The following EPC2 variants were observed in gnomAD, a reference collection of about 807,000 sequenced individuals.
EPC2 encodes enhancer of polycomb 2.
A neutral mutation model predicts 92.1 loss-of-function variants in EPC2; 14 were observed. The observed-to-expected ratio is 0.15, with a 90% confidence interval of 0.10 to 0.24. The LOEUF is 0.24. EPC2 is among the 10% of genes least tolerant of loss of function. The pLI is 1.00. For synonymous variants in EPC2, 340 were observed against 334.7 expected (o/e 1.02, Z -0.17); for missense variants, 755 against 971.5 (o/e 0.78, Z 2.96).
rs1237854968 is a variant in EPC2, at chr2:148,672,135, A to G, written c.154-18079A>G. ...TACTGACTCAGTCTTCTTAATTATAAGAAGTACTTAAAAGTAAGTCTTATA... is the reference window on the plus strand; with the variant it reads ...TACTGACTCAGTCTTCTTAATTATAGGAAGTACTTAAAAGTAAGTCTTATA... On this transcript the variant is annotated intron_variant, in intron 1 of 13. Transcript: ENST00000258484. 2.6e-5 allele frequency among the ~76,000 whole-genome samples: 4 copies of G among 152,144 alleles called. No homozygotes were observed. The South Asian group carries it at 6.2e-4, about 24-fold the overall frequency.
At chr2:148,705,483 C>T (rs1681975439) in intron 2 of EPC2, among the ~76,000 whole-genome samples, 1 of 152,110 alleles carries the variant, frequency 6.6e-6, no homozygotes, top group Non-Finnish European at 1.5e-5. Context: ...AGTGGCTCTC[C>T]CAGCACGGTG....
At chr2:148,705,432 A>G (rs1327995053) in intron 2 of EPC2, among the ~76,000 whole-genome samples, 1 of 152,172 alleles carries the variant, frequency 6.6e-6, no homozygotes, top group Non-Finnish European at 1.5e-5. Context: ...GATGCAGAAG[A>G]TGGGTGATTT....
At chr2:148,681,839 T>C (rs1200318737) in intron 1 of EPC2, among the ~76,000 whole-genome samples, 1 of 152,156 alleles carries the variant, frequency 6.6e-6, no homozygotes, top group Admixed American at 6.5e-5. Flanking sequence ...TCATTTACAT[T>C]AGGTATTTCT....
intron 2 of EPC2, among the ~76,000 whole-genome samples, chr2:148,718,435 G>T (rs1030935424): frequency 6.6e-6 from 1 of 152,156 alleles, no homozygotes; most frequent in Admixed American, 6.6e-5. Context: ...AGGCCTGATG[G>T]TGATGAATTC....
intron 1 of EPC2, among the ~76,000 whole-genome samples, chr2:148,654,408 T>C (rs1289745314): frequency 6.6e-6 from 1 of 152,168 alleles, no homozygotes. Context: ...GTTTCACATT[T>C]TTTCTCATGC....
At chr2:148,653,745 T>C (rs1680733406) in intron 1 of EPC2, among the ~76,000 whole-genome samples, 1 of 151,454 alleles carries the variant, frequency 6.6e-6, no homozygotes, top group Non-Finnish European at 1.5e-5. Context: ...TCTCATGTCT[T>C]GGTTGGGGAG....
At chr2:148,701,958 T>C (rs1476209141) in intron 2 of EPC2, among the ~76,000 whole-genome samples, 1 of 152,184 alleles carries the variant, frequency 6.6e-6, no homozygotes. Flanking sequence ...TGTGTTTTTG[T>C]CCATTTTCTG....
intron 2 of EPC2, among the ~76,000 whole-genome samples, chr2:148,727,016 T>C (rs1682513247): frequency 6.6e-6 from 1 of 152,136 alleles, no homozygotes; most frequent in Non-Finnish European, 1.5e-5. Context: ...TTCAATGTCA[T>C]GAAGTCTTTC....
intron 2 of EPC2, among the ~76,000 whole-genome samples, chr2:148,697,700 A>G (rs1248178721): frequency 6.6e-6 from 1 of 152,232 alleles, no homozygotes; most frequent in Non-Finnish European, 1.5e-5. Context: ...AAGTGCTTCC[A>G]TTCAAACACA....
At chr2:148,662,748 C>T (rs1246965292) in intron 1 of EPC2, among the ~76,000 whole-genome samples, 1 of 152,084 alleles carries the variant, frequency 6.6e-6, no homozygotes, top group East Asian at 1.9e-4. Context: ...AGCACACCAA[C>T]ATGGCACGTA....
chr2:148,782,053 G>C (rs1298009509), intron 11 of EPC2, among the ~76,000 whole-genome samples: 1 of 152,074 alleles, frequency 6.6e-6, no homozygotes, highest in Non-Finnish European at 1.5e-5. Flanking sequence ...TATATATGTA[G>C]TTGTAAGAAT....
At chr2:148,758,179 T>G (rs1205212431) in intron 4 of EPC2, among the ~76,000 whole-genome samples, 1 of 151,034 alleles carries the variant, frequency 6.6e-6, no homozygotes, top group Non-Finnish European at 1.5e-5. Context: ...TGGGTGGGTG[T>G]GGATGGATGA....
Position 148,784,816 on chromosome 2 carries a change from G to A in EPC2, c.2166G>A (p.Met722Ile). 4 of 1,613,904 alleles carry A rather than the reference G, an allele frequency of 2.5e-6. No homozygotes were observed. The South Asian group carries it at 4.4e-5, about 18-fold the overall frequency. ...LCTSSPQTLP[M>I]NNSCLTNAVH... is the part of the protein sequence containing the mutation. ...CAAGCAGTCCTCAGACACTTCCCAT[G>A]AACAATTCCTGCCTGACAAATGCAG... The change falls in exon 13 of 14, where the codon ATG becomes ATA. Residue 722 changes from methionine to isoleucine, a missense_variant. This residue lies in a region of EPC2 where 207 missense variants were observed against 260.5 expected (regional missense o/e 0.79). Coordinates refer to ENST00000258484, the MANE Select transcript of EPC2 (RefSeq NM_015630.4).
chr2:148,769,789 A>G (rs1165962684), intron 8 of EPC2, among the ~76,000 whole-genome samples: 1 of 152,212 alleles, frequency 6.6e-6, no homozygotes, highest in African/African-American at 2.4e-5. Flanking sequence ...TCAATGAGAT[A>G]TAATGTAGCA....
chr2:148,644,952 G>A lies in EPC2; in HGVS notation c.-66G>A, dbSNP rs1308891621. On this transcript the variant is annotated 5_prime_UTR_variant, in exon 1 of 14. Coordinates refer to ENST00000258484, the MANE Select transcript of EPC2 (RefSeq NM_015630.4). ...GAAGGAGGTGGAGGAGGCGGCGGGA[G>A]TCCTCCCCCCCTCCCCGCCCGCCCC... is the stretch of plus-strand genomic sequence containing the variant. 6 of 1,373,846 alleles carry A rather than the reference G, an allele frequency of 4.4e-6. No homozygotes were observed. The highest frequency in any genetic ancestry group is 4.3e-5 in the African/African-American group (3 of 69,594). 85.1% of individuals were successfully genotyped at this position (1,373,846 alleles called of 1,614,324 possible).
At chr2:148,684,269 G>A (rs1387231025) in intron 1 of EPC2, among the ~76,000 whole-genome samples, 1 of 152,114 alleles carries the variant, frequency 6.6e-6, no homozygotes, top group Non-Finnish European at 1.5e-5. Flanking sequence ...TTTGTTAGAT[G>A]CATAGTTTGC....
At chr2:148,741,813 G>A (rs1342900032) in intron 2 of EPC2, among the ~76,000 whole-genome samples, 1 of 152,076 alleles carries the variant, frequency 6.6e-6, no homozygotes, top group African/African-American at 2.4e-5. Flanking sequence ...ATACAAATGG[G>A]AACAAAGAAA....
intron 1 of EPC2, among the ~76,000 whole-genome samples, chr2:148,668,325 T>C (rs923323958): frequency 6.6e-6 from 1 of 152,222 alleles, no homozygotes; most frequent in Non-Finnish European, 1.5e-5. Flanking sequence ...TAATGTATTA[T>C]TGGATTCTAT....
At chr2:148,673,503 T>A (rs1353877880) in intron 1 of EPC2, among the ~76,000 whole-genome samples, 1 of 152,226 alleles carries the variant, frequency 6.6e-6, no homozygotes, top group East Asian at 1.9e-4. Flanking sequence ...AGTTATCATA[T>A]TCTTCAACTT....
Sources: gnomAD v4.1 joint callset for allele counts (sites outside exome capture counted in the v4.1 genomes callset) on GRCh38, gnomAD v4.1.1 for gene constraint, gnomAD v4.1.1 regional missense constraint, MANE v1.5 for transcripts, NCBI Gene and HGNC (gene_info 2026-07-23, HGNC 2026-07-21) for gene names.